ANO6: variants seen among roughly 807,000 people sequenced by gnomAD.
The protein encoded by ANO6 is anoctamin 6.
ANO6 carries 106 observed loss-of-function variants against 117.5 expected under a neutral mutation model. That is an observed-to-expected ratio of 0.90 (90% confidence interval 0.77 to 1.06). The LOEUF (loss-of-function observed/expected upper bound fraction) is 1.06, where lower values mean the gene tolerates loss of function less well. ANO6 is among the 50% of genes least tolerant of loss of function. The probability of loss-of-function intolerance (pLI) is 0.00; values close to 1 mark genes in which losing one functional copy is unlikely to be tolerated. For missense variants in ANO6, 955 were observed against 1,121.1 expected (o/e 0.85, Z 2.12); for synonymous variants, 367 against 385.1 (o/e 0.95, Z 0.55).
intron 9 of ANO6, among the ~76,000 whole-genome samples, chr12:45,376,690 T>G (rs1457392228): frequency 5.6e-5 from 6 of 106,226 alleles, no homozygotes; most frequent in Admixed American, 1.3e-4. Context: ...CATCACACTC[T>G]GGGGACTGTT....
intron 7 of ANO6, among the ~76,000 whole-genome samples, chr12:45,351,666 CCTT>C (rs1267942381): frequency 4.6e-5 from 7 of 151,984 alleles, no homozygotes; most frequent in South Asian, 4.1e-4. Context: ...TGGCAGAAGT[CCTT>C]CTAGGAATAG....
At chr12:45,253,936 A>G (rs1237229546) in intron 1 of ANO6, among the ~76,000 whole-genome samples, 3 of 152,216 alleles carry the variant, frequency 2.0e-5, no homozygotes, top group Non-Finnish European at 4.4e-5. Context: ...TGGGAGGCCA[A>G]GGTGGGCGGA....
At chr12:45,323,617 A>C (rs574117397) in intron 2 of ANO6, among the ~76,000 whole-genome samples, 1 of 152,288 alleles carries the variant, frequency 6.6e-6, no homozygotes, top group East Asian at 1.9e-4. Flanking sequence ...TAATCTTCAC[A>C]ATTACCCTGC....
downstream of ANO6, among the ~76,000 whole-genome samples, chr12:45,433,965 T>C (rs560130790): frequency 2.9e-4 from 44 of 152,322 alleles, no homozygotes; most frequent in Non-Finnish European, 5.4e-4. Flanking sequence ...AAAACAAAGA[T>C]AAGACAGGTA....
chr12:45,352,536 G>A (rs1190235289), intron 7 of ANO6, among the ~76,000 whole-genome samples: 2 of 140,490 alleles, frequency 1.4e-5, no homozygotes, highest in African/African-American at 5.4e-5. Context: ...AGGCCAGACT[G>A]AGCAGCATAG....
intron 1 of ANO6, among the ~76,000 whole-genome samples, chr12:45,239,621 T>A (rs914914718): frequency 1.3e-5 from 2 of 152,190 alleles, no homozygotes; most frequent in African/African-American, 4.8e-5. Context: ...CTTCTCTAGT[T>A]CTTTTAATTG....
Position 45,431,420 on chromosome 12 carries a change from T to G in ANO6, c.*2109T>G. On this transcript the variant is annotated 3_prime_UTR_variant, in exon 20 of 20. Transcript: ENST00000320560. ...ATGTCAGCATAGAAAAGGAAATGTT[T>G]TTACCTTATCTCCTGTATGTATGAT... 1.0e-6 allele frequency: 1 copy of G among 985,404 alleles called. No homozygotes were observed. Among genetic ancestry groups the G allele is most frequent in the Non-Finnish European group, 1.2e-6 (1 of 829,936 alleles). 61.0% of individuals were successfully genotyped at this position (985,404 alleles called of 1,614,324 possible).
chr12:45,375,336 C>A (rs553693462), intron 9 of ANO6, among the ~76,000 whole-genome samples: 4 of 152,270 alleles, frequency 2.6e-5, no homozygotes, highest in African/African-American at 9.6e-5. Context: ...CCTTTCTTCA[C>A]AGAATTGGAA....
downstream of ANO6, among the ~76,000 whole-genome samples, chr12:45,433,935 G>A (rs1404441297): frequency 6.6e-6 from 1 of 152,154 alleles, no homozygotes; most frequent in Non-Finnish European, 1.5e-5. Context: ...GCTCTTAATA[G>A]CATTTCCATT....
In ANO6 at chr12:45,284,173, G is replaced by A. The variant is rs552028604; in HGVS notation, c.71-17841G>A. ...TGGAAAAAAGGGTCTGATCTAATGC[G>A]AATAGACAGAATGGGGAAACCCAGC... On this transcript the variant is annotated intron_variant, in intron 1 of 19. Transcript: ENST00000320560. Among the ~76,000 whole-genome samples the A allele has an allele frequency of 1.9e-4, 29 of 152,314 alleles. 1 individual carries two copies. In the South Asian group the frequency reaches 4.6e-3, roughly 24 times the overall value.
At position 45,378,123 on chromosome 12, in the gene ANO6, T is replaced by C. The variant is rs1025682251; in HGVS notation, c.1165+10T>C. The C allele has an allele frequency of 1.2e-5, 19 of 1,606,300 alleles. No homozygotes were observed. The African/African-American group carries it at 2.4e-4, about 20-fold the overall frequency. On this transcript the variant is annotated intron_variant, in intron 10 of 19. Transcript: ENST00000320560. Reference sequence around the variant, plus strand: ...TTTATGGGAGTATGGGGTAAGTTTTTTTTTTTTTTTTCATGCACTCAATTT... The same window carrying C: ...TTTATGGGAGTATGGGGTAAGTTTTCTTTTTTTTTTTCATGCACTCAATTT...
At chr12:45,271,908 G>A (rs142507992) in intron 1 of ANO6, among the ~76,000 whole-genome samples, 1 of 152,252 alleles carries the variant, frequency 6.6e-6, no homozygotes, top group African/African-American at 2.4e-5. Context: ...GAAATGTGAA[G>A]AACCTCTTTG....
chr12:45,255,818 GTTTT>G (rs551517877), intron 1 of ANO6, among the ~76,000 whole-genome samples: 2 of 81,710 alleles, frequency 2.4e-5, no homozygotes, highest in East Asian at 7.1e-4. Flanking sequence ...CTCCCTGGGT[GTTTT>G]TTTTTTTTTT....
intron 2 of ANO6, 131 bp downstream of exon 2, chr12:45,302,224 C>G (rs1183528586): frequency 4.9e-6 from 4 of 822,912 alleles, no homozygotes; most frequent in African/African-American, 1.7e-5. Context: ...ATTGCAGGGA[C>G]TGTGCGTTCA....
intron 1 of ANO6, among the ~76,000 whole-genome samples, chr12:45,250,672 G>A (rs114781748): frequency 6.6e-5 from 10 of 151,436 alleles, no homozygotes; most frequent in African/African-American, 2.2e-4. Flanking sequence ...GAAAGTACTG[G>A]GATTGCAGGC....
At chr12:45,356,328 G>C (rs1327406662) in intron 7 of ANO6, among the ~76,000 whole-genome samples, 1 of 152,056 alleles carries the variant, frequency 6.6e-6, no homozygotes, top group East Asian at 1.9e-4. Context: ...CTACAAATTA[G>C]TGGTTTTTTT....
At chr12:45,281,114 T>G (rs757615379) in intron 1 of ANO6, among the ~76,000 whole-genome samples, 1 of 152,148 alleles carries the variant, frequency 6.6e-6, no homozygotes, top group Non-Finnish European at 1.5e-5. Flanking sequence ...TTTCATCTTA[T>G]AAAACAAGGC....
At chr12:45,294,726 A>G (rs149567935) in intron 1 of ANO6, among the ~76,000 whole-genome samples, 62 of 152,324 alleles carry the variant, frequency 4.1e-4, no homozygotes, top group African/African-American at 1.2e-3. Flanking sequence ...GAAACAAGTA[A>G]CCAACATTGC....
intron 1 of ANO6, among the ~76,000 whole-genome samples, chr12:45,242,644 A>G (rs1316983484): frequency 6.6e-6 from 1 of 152,164 alleles, no homozygotes; most frequent in Admixed American, 6.5e-5. Flanking sequence ...GAAATCACCC[A>G]TCTTCTGCAT....
Sources: gnomAD v4.1 joint callset for allele counts (sites outside exome capture counted in the v4.1 genomes callset) on GRCh38, gnomAD v4.1.1 for gene constraint, MANE v1.5 for transcripts, NCBI Gene and HGNC (gene_info 2026-07-23, HGNC 2026-07-21) for gene names.